RANBP2: variants seen among roughly 807,000 people sequenced by gnomAD.
RANBP2 encodes RAN binding protein 2.
Under a neutral mutation model 303.6 loss-of-function variants are expected in RANBP2, and 57 were observed. The observed-to-expected ratio is 0.19, with a 90% confidence interval of 0.15 to 0.23. The LOEUF (loss-of-function observed/expected upper bound fraction) is 0.23, where lower values mean the gene tolerates loss of function less well. RANBP2 is among the 10% of genes least tolerant of loss of function. The pLI is 1.00. For synonymous variants in RANBP2, 1,167 were observed against 1,301.5 expected (o/e 0.90, Z 2.23); for missense variants, 3,138 against 3,780.8 (o/e 0.83, Z 4.46).
At chr2:109,640,757 G>A in the RANBP2 span, among the ~76,000 whole-genome samples, 1 of 152,208 alleles carries the variant, frequency 6.6e-6, no homozygotes, top group East Asian at 1.9e-4. Context: ...CTGTCTGACC[G>A]CTGTTTACTG....
At chr2:109,460,463 C>T in the RANBP2 span, among the ~76,000 whole-genome samples, 1 of 152,150 alleles carries the variant, frequency 6.6e-6, no homozygotes, top group East Asian at 1.9e-4. Context: ...AGTGGAAATC[C>T]ATGATGCTGA....
At chr2:109,386,169 G>T in the RANBP2 span, among the ~76,000 whole-genome samples, 2 of 152,330 alleles carry the variant, frequency 1.3e-5, no homozygotes, top group South Asian at 2.1e-4. Flanking sequence ...GCCTTGCCTG[G>T]AATTGCTCCT....
the RANBP2 span, among the ~76,000 whole-genome samples, chr2:109,234,746 C>T: frequency 1.1e-4 from 17 of 152,186 alleles, no homozygotes; most frequent in African/African-American, 4.1e-4. Flanking sequence ...GTGGGAGCAG[C>T]ACACACCACG....
the RANBP2 span, among the ~76,000 whole-genome samples, chr2:109,227,032 C>G: frequency 6.6e-6 from 1 of 152,170 alleles, no homozygotes; most frequent in Non-Finnish European, 1.5e-5. Context: ...GGTGGCCTAG[C>G]AGCTCCACTG....
rs1250035178 is a variant in RANBP2, at chr2:108,729,142, A to G, written c.83A>G (p.Lys28Arg). ...STPSPRQKSM[K>R]GFYFAKLYYE... Reference sequence around the variant, plus strand: ...TTTAATTTTTTTTAGAAGTCAATGAAAGGATTCTATTTTGCAAAGCTGTAT... The same window carrying G: ...TTTAATTTTTTTTAGAAGTCAATGAGAGGATTCTATTTTGCAAAGCTGTAT... Residue 28 changes from lysine (K) to arginine (R), a missense_variant, in exon 2 of 29, where the codon AAA (lysine) becomes AGA (arginine). This residue lies in a region of RANBP2 where 306 missense variants were observed against 381.9 expected (regional missense o/e 0.80). Coordinates refer to ENST00000283195, the MANE Select transcript of RANBP2 (RefSeq NM_006267.5). 5.7e-6 allele frequency: 9 copies of G among 1,572,422 alleles called. No individual in the cohort carries two copies. Among genetic ancestry groups the G allele is most frequent in the Non-Finnish European group, 6.9e-6 (8 of 1,161,260 alleles).
At chr2:109,549,520 T>C in the RANBP2 span, among the ~76,000 whole-genome samples, 1 of 152,226 alleles carries the variant, frequency 6.6e-6, no homozygotes. Context: ...CATTCATGGT[T>C]CCATTATTCA....
chr2:109,630,303 C>A, the RANBP2 span, among the ~76,000 whole-genome samples: 2 of 152,128 alleles, frequency 1.3e-5, no homozygotes, highest in Non-Finnish European at 2.9e-5. Flanking sequence ...CTTTGACAGG[C>A]AAACAAACCA....
chr2:109,608,989 CAGT>C, the RANBP2 span, among the ~76,000 whole-genome samples: 1 of 152,150 alleles, frequency 6.6e-6, no homozygotes, highest in Non-Finnish European at 1.5e-5. Context: ...CTCTATCCTG[CAGT>C]AGATTATAAA....
chr2:109,115,438 T>G, the RANBP2 span, among the ~76,000 whole-genome samples: 116 of 150,912 alleles, frequency 7.7e-4, no homozygotes, highest in African/African-American at 1.5e-3. Context: ...TTTTATCAGA[T>G]ACTAGGATTG....
chr2:109,130,032 G>T, the RANBP2 span: 7 of 1,346,832 alleles, frequency 5.2e-6, no homozygotes, highest in Non-Finnish European at 6.7e-6. Flanking sequence ...CGGGTTCCCC[G>T]GTTTTCCTCT....
chr2:109,039,305 C>T, the RANBP2 span, among the ~76,000 whole-genome samples: 30 of 152,200 alleles, frequency 2.0e-4, no homozygotes, highest in Non-Finnish European at 3.7e-4. Flanking sequence ...TTACACACAT[C>T]CTATTGGTTC....
the RANBP2 span, among the ~76,000 whole-genome samples, chr2:108,807,969 A>G: frequency 6.6e-6 from 1 of 152,000 alleles, no homozygotes; most frequent in African/African-American, 2.4e-5. Flanking sequence ...CTTCCTTTCC[A>G]CAGCCATCCC....
intron 1 of RANBP2, chr2:108,719,952 G>T (rs1446106301): frequency 1.0e-6 from 1 of 985,054 alleles, no homozygotes; most frequent in African/African-American, 1.7e-5. Flanking sequence ...TCCTGGGGCC[G>T]CCCTGGCCCG....
chr2:109,228,618 TC>T, the RANBP2 span, among the ~76,000 whole-genome samples: 1,044 of 152,300 alleles, frequency 6.9e-3, 14 homozygotes, highest in Non-Finnish European at 0.011. Flanking sequence ...AGAGGTGTCT[TC>T]AGGTTACCTG....
At position 108,783,961 on chromosome 2, in the gene RANBP2, T is replaced by C. The variant is rs1678436466; in HGVS notation, c.*60T>C. 3 of 1,470,544 alleles carry C rather than the reference T, an allele frequency of 2.0e-6. No homozygotes were observed. In the African/African-American group the frequency reaches 4.2e-5, roughly 21 times the overall value. The allele number at this position is 1,470,544 out of a possible 1,614,324, so 91.1% of individuals were successfully genotyped here. A position where few individuals can be genotyped will look rare whatever the true frequency, so the allele number is the denominator to read the frequency against. ...AAGCAGTTGGATTGAAGCTTAGCTATTACAATTTGATAGTTATGTTCAGCT... is the reference window on the plus strand; with the variant it reads ...AAGCAGTTGGATTGAAGCTTAGCTACTACAATTTGATAGTTATGTTCAGCT... On this transcript the variant is annotated 3_prime_UTR_variant, in exon 29 of 29. Coordinates refer to ENST00000283195, the MANE Select transcript of RANBP2 (RefSeq NM_006267.5).
At chr2:109,148,483 T>C in the RANBP2 span, among the ~76,000 whole-genome samples, 39 of 152,154 alleles carry the variant, frequency 2.6e-4, no homozygotes, top group African/African-American at 9.2e-4. Flanking sequence ...TCTGCACGTG[T>C]GGGCTGATAC....
At chr2:109,347,701 G>T in the RANBP2 span, 1 of 1,613,822 alleles carries the variant, frequency 6.2e-7, no homozygotes, top group South Asian at 1.1e-5. Flanking sequence ...CTATGGCAAG[G>T]CCCTCTACAG....
At chr2:109,323,683 C>T in the RANBP2 span, among the ~76,000 whole-genome samples, 4 of 152,144 alleles carry the variant, frequency 2.6e-5, no homozygotes, top group Non-Finnish European at 4.4e-5. Context: ...GCCTGTGCCT[C>T]GAGGAGATAA....
the RANBP2 span, among the ~76,000 whole-genome samples, chr2:108,953,668 G>A: frequency 2.0e-5 from 3 of 152,010 alleles, no homozygotes; most frequent in Admixed American, 6.6e-5. Context: ...TGTCATTGTC[G>A]GATGGATGTG....
Sources: gnomAD v4.1 joint callset for allele counts (sites outside exome capture counted in the v4.1 genomes callset) on GRCh38, gnomAD v4.1.1 for gene constraint, gnomAD v4.1.1 regional missense constraint, MANE v1.5 for transcripts, NCBI Gene and HGNC (gene_info 2026-07-23, HGNC 2026-07-21) for gene names.